The following FOCAD variants were observed in gnomAD, a reference collection of about 807,000 sequenced individuals.
FOCAD encodes the protein KIAA1797.
FOCAD carries 198 observed loss-of-function variants against 225.6 expected under a neutral mutation model. That is an observed-to-expected ratio of 0.88 (90% CI 0.78 to 0.99). The LOEUF (loss-of-function observed/expected upper bound fraction) is 0.99. Ranked by LOEUF, FOCAD falls within the 50% of genes least tolerant of loss-of-function variation. FOCAD has a pLI of 0.00. For synonymous variants in FOCAD, 897 were observed against 755.0 expected (o/e 1.19, Z -3.08); for missense variants, 2,713 against 2,123.6 (o/e 1.28, Z -5.46).
chr9:20,656,921 G>T (rs375944390), upstream of FOCAD, among the ~76,000 whole-genome samples: 1 of 151,542 alleles, frequency 6.6e-6, no homozygotes, highest in Non-Finnish European at 1.5e-5. Flanking sequence ...GGTACCGGTT[G>T]TTCCTTTCCA....
At chr9:20,739,330 A>G (rs1827409047) in intron 4 of FOCAD, among the ~76,000 whole-genome samples, 1 of 152,230 alleles carries the variant, frequency 6.6e-6, no homozygotes, top group Non-Finnish European at 1.5e-5. Context: ...TTGGCTGGGC[A>G]CAGTGGCTCA....
Position 20,946,803 on chromosome 9 carries a change from G to T in FOCAD, c.3658G>T (p.Val1220Leu). ...TGTTATGAACAAGCTTCGACTGTTA[G>T]TGGAGAATAGCCAGCAGGTTGGAAC... ...EDVMNKLRLL[V>L]ENSQQTSGFA... Residue 1220 changes from valine to leucine, a missense_variant, in exon 30 of 44, where the codon GTG becomes TTG. Coordinates refer to ENST00000338382, the MANE Select transcript of FOCAD (RefSeq NM_001375567.1). The T allele has an allele frequency of 6.2e-7, 1 of 1,613,780 alleles. No homozygotes were observed. The highest frequency in any genetic ancestry group is 8.5e-7 in the Non-Finnish European group (1 of 1,179,722).
intron 10 of FOCAD, among the ~76,000 whole-genome samples, chr9:20,782,568 G>A (rs911044487): frequency 6.6e-5 from 10 of 152,102 alleles, no homozygotes; most frequent in Non-Finnish European, 1.3e-4. Context: ...GATATTGGTT[G>A]GGTTCTAGGC....
intron 18 of FOCAD, among the ~76,000 whole-genome samples, chr9:20,872,146 A>T (rs967490826): frequency 1.3e-5 from 2 of 152,144 alleles, no homozygotes; most frequent in Non-Finnish European, 2.9e-5. Flanking sequence ...CACATTTGAG[A>T]TGCAGACATA....
chr9:20,703,276 A>C (rs1824116345), intron 1 of FOCAD, among the ~76,000 whole-genome samples: 1 of 152,076 alleles, frequency 6.6e-6, no homozygotes. Flanking sequence ...AGAGCACTTG[A>C]GGCTGAGGGG....
intron 5 of FOCAD, among the ~76,000 whole-genome samples, chr9:20,755,810 TTTTG>T (rs917905280): frequency 6.6e-6 from 1 of 152,114 alleles, no homozygotes; most frequent in Admixed American, 6.6e-5. Flanking sequence ...GTGAGTGTTT[TTTTG>T]TTTGTTTGTT....
chr9:20,781,066 T>G (rs1044974832), intron 9 of FOCAD, among the ~76,000 whole-genome samples: 1 of 152,362 alleles, frequency 6.6e-6, no homozygotes, highest in South Asian at 2.1e-4. Context: ...TACATCACTT[T>G]GAAAAAAATA....
chr9:20,907,190 T>C lies in FOCAD; in HGVS notation c.2666T>C (p.Leu889Pro), dbSNP rs567258919. Residue 889 changes from leucine (L) to proline (P), a missense_variant, in exon 22 of 44, where the codon CTT (leucine) becomes CCT (proline). Transcript: ENST00000338382. Reference protein sequence around the residue: ...QLSEWHRAIFLPQAWLAYMNR... With the variant: ...QLSEWHRAIFPPQAWLAYMNR... ...TCAGAGTGGCACCGTGCAATTTTTC[T>C]TCCACAGGCCTGGCTTGCATACATG... 1.2e-6 allele frequency: 2 copies of C among 1,613,304 alleles called. No homozygotes were observed. Among genetic ancestry groups the C allele is most frequent in the Non-Finnish European group, 1.7e-6 (2 of 1,179,530 alleles).
At chr9:20,921,417 G>A (rs868835119) in intron 24 of FOCAD, among the ~76,000 whole-genome samples, 2 of 152,086 alleles carry the variant, frequency 1.3e-5, no homozygotes, top group African/African-American at 4.8e-5. Flanking sequence ...GACTGGTAGG[G>A]GATAGTTATT....
intron 27 of FOCAD, 132 bp from the exon 28 acceptor site, chr9:20,932,882 T>C: frequency 1.6e-6 from 1 of 644,592 alleles, no homozygotes. Context: ...AACTCATCAA[T>C]ATTGTCACTT....
intron 15 of FOCAD, among the ~76,000 whole-genome samples, chr9:20,841,267 T>C (rs796735374): frequency 6.6e-6 from 1 of 151,990 alleles, no homozygotes; most frequent in Non-Finnish European, 1.5e-5. Flanking sequence ...TACTTCTGTG[T>C]CCCCTATTTT....
At chr9:20,937,213 A>G (rs1564176092) in intron 28 of FOCAD, among the ~76,000 whole-genome samples, 3 of 151,016 alleles carry the variant, frequency 2.0e-5, no homozygotes, top group Admixed American at 1.3e-4. Flanking sequence ...TTCTTCACAG[A>G]ATTGGAAAAA....
chr9:20,862,062 G>A (rs2383151), intron 15 of FOCAD, among the ~76,000 whole-genome samples: 81,324 of 151,780 alleles, frequency 0.54, 22,166 homozygotes, highest in East Asian at 0.67. Context: ...GTTAAATACT[G>A]TAGTTATTCT....
At chr9:20,909,899 C>G (rs1396473696) in intron 22 of FOCAD, among the ~76,000 whole-genome samples, 1 of 152,074 alleles carries the variant, frequency 6.6e-6, no homozygotes, top group African/African-American at 2.4e-5. Context: ...TTACTTCCAT[C>G]TGGTGCTAGA....
chr9:20,667,196 C>T lies in FOCAD; in HGVS notation c.-78+8370C>T, dbSNP rs565205097. ...TAAAATCATCCTCATGTGAAATGCA[C>T]GTGTTATAGCTTGTCTCATATTATC... On this transcript the variant is annotated intron_variant, in intron 2 of 45. Transcript: ENST00000380249. 4.6e-5 allele frequency among the ~76,000 whole-genome samples: 7 copies of T among 152,282 alleles called. No homozygotes were observed. The South Asian group carries it at 8.3e-4, about 18-fold the overall frequency.
At chr9:20,774,131 C>T (rs917062857) in intron 8 of FOCAD, among the ~76,000 whole-genome samples, 23 of 152,168 alleles carry the variant, frequency 1.5e-4, no homozygotes, top group African/African-American at 4.8e-4. Flanking sequence ...AGTTTCATCC[C>T]GAAACCATTC....
chr9:20,898,469 A>G (rs1391856797), intron 21 of FOCAD, among the ~76,000 whole-genome samples: 1 of 151,830 alleles, frequency 6.6e-6, no homozygotes, highest in Non-Finnish European at 1.5e-5. Flanking sequence ...CCATTGAGAT[A>G]TCCTCAAGAT....
intron 2 of FOCAD, among the ~76,000 whole-genome samples, chr9:20,669,894 A>G (rs912605538): frequency 6.6e-6 from 1 of 152,270 alleles, no homozygotes; most frequent in African/African-American, 2.4e-5. Flanking sequence ...GTGGGTTCCT[A>G]CATGACTACA....
chr9:20,693,163 G>A (rs1823077970), intron 1 of FOCAD, among the ~76,000 whole-genome samples: 1 of 152,134 alleles, frequency 6.6e-6, no homozygotes, highest in Non-Finnish European at 1.5e-5. Context: ...TCCATTTACA[G>A]CCACTCTCTC....
Sources: gnomAD v4.1 joint callset for allele counts (sites outside exome capture counted in the v4.1 genomes callset) on GRCh38, gnomAD v4.1.1 for gene constraint, MANE v1.5 for transcripts, NCBI Gene and HGNC (gene_info 2026-07-23, HGNC 2026-07-21) for gene names.